The following RSPH9 variants were observed in gnomAD, a reference collection of about 807,000 sequenced individuals.
RSPH9 encodes the protein radial spoke head protein 9 homolog.
RSPH9 carries 27 observed loss-of-function variants against 27.0 expected under a neutral mutation model. The ratio of observed to expected loss-of-function variants is 1.00; its 90% CI spans 0.74 to 1.38. The LOEUF (loss-of-function observed/expected upper bound fraction) is 1.38. Ranked by LOEUF, RSPH9 falls within the 40% of genes most tolerant of loss-of-function variation. RSPH9 has a pLI of 0.00. For missense variants in RSPH9, 347 were observed against 357.4 expected, an observed-to-expected ratio of 0.97 and a Z score of 0.24; for synonymous variants, 145 against 147.7, an observed-to-expected ratio of 0.98 and a Z score of 0.13.
chr6:43,650,430 C>T lies in RSPH9; in HGVS notation c.283C>T (p.Gln95Ter), dbSNP rs1436804091. The stretch of plus-strand genomic sequence containing the variant: ...CCCTGCCACAGAGGAGATGGTGGCG[C>T]AGTCGTCTGTGGTGAAGGGCCGCTT... Reference protein sequence around the residue: ...LPPATEEMVAQSSVVKGRFMG... With the variant: ...LPPATEEMVA Residue 95 changes from glutamine to a stop codon, truncating the protein, a stop_gained, in exon 2 of 5, where the codon CAG becomes TAG. Transcript: ENST00000372163. LOFTEE classifies it high-confidence loss of function. 6.2e-7 allele frequency: 1 copy of T among 1,614,070 alleles called. No homozygotes were observed. Among genetic ancestry groups the T allele is most frequent in the Non-Finnish European group, 8.5e-7 (1 of 1,180,030 alleles).
rs1000822923 is a variant in RSPH9 at position 43,656,512 on chromosome 6, A to G, written c.524-65A>G. Reference sequence around the variant, plus strand: ...AAGCCCTACCATGTGGTCCCAGTGCAGACAGAAAGGGGGCTGGGGGGTTTT... The same window carrying G: ...AAGCCCTACCATGTGGTCCCAGTGCGGACAGAAAGGGGGCTGGGGGGTTTT... On this transcript the variant is annotated intron_variant, in intron 3 of 4. Transcript: ENST00000372163. 9.4e-6 allele frequency: 15 copies of G among 1,587,492 alleles called. No individual in the cohort carries two copies. The African/African-American group carries it at 1.1e-4, about 11-fold the overall frequency.
At chr6:43,655,760 G>A in intron 3 of RSPH9, 69 bp downstream of exon 3, 2 of 1,565,696 alleles carry the variant, frequency 1.3e-6, no homozygotes, top group Admixed American at 3.4e-5. Context: ...ACATATGTCT[G>A]GGAGTCCAGC....
intron 4 of RSPH9, among the ~76,000 whole-genome samples, chr6:43,666,010 G>C (rs1179784527): frequency 1.3e-5 from 2 of 151,976 alleles, no homozygotes; most frequent in African/African-American, 2.4e-5. Flanking sequence ...ATTTTTTGTA[G>C]AGATGAGGTT....
intron 3 of RSPH9, 131 bp downstream of exon 3, chr6:43,655,822 T>C: frequency 1.8e-6 from 2 of 1,101,154 alleles, no homozygotes; most frequent in Non-Finnish European, 2.7e-6. Context: ...CCTTATCACC[T>C]GGGAGGGTGT....
intron 4 of RSPH9, among the ~76,000 whole-genome samples, chr6:43,661,673 A>AAG (rs1772641333): frequency 6.6e-6 from 1 of 151,508 alleles, no homozygotes; most frequent in South Asian, 2.1e-4. Context: ...AAAAAAAAAA[A>AAG]AAAAAAAAGA....
chr6:43,662,846 G>T (rs577748680), intron 4 of RSPH9, among the ~76,000 whole-genome samples: 1 of 152,176 alleles, frequency 6.6e-6, no homozygotes, highest in South Asian at 2.1e-4. Context: ...ACCCAGACTG[G>T]AGTGCAGTGG....
chr6:43,666,892 C>T (rs1285387280), intron 4 of RSPH9, among the ~76,000 whole-genome samples: 3 of 152,142 alleles, frequency 2.0e-5, no homozygotes, highest in Non-Finnish European at 2.9e-5. Context: ...GGATTACAGG[C>T]GCATGTCACC....
chr6:43,669,749 T>TCCTCCCACACTGTGGCTC (rs1773526122), intron 4 of RSPH9, among the ~76,000 whole-genome samples: 1 of 152,216 alleles, frequency 6.6e-6, no homozygotes, highest in Non-Finnish European at 1.5e-5. Flanking sequence ...CCAGGCTCCT[T>TCCTCCCACACTGTGGCTC]CCTCCCACAC....
intron 4 of RSPH9, among the ~76,000 whole-genome samples, chr6:43,658,227 G>T (rs1772221541): frequency 6.8e-6 from 1 of 146,348 alleles, no homozygotes; most frequent in South Asian, 2.2e-4. Context: ...GGAGGCAGAG[G>T]TTGCAGTGAG....
At chr6:43,660,647 T>TAG (rs1416645224) in intron 4 of RSPH9, among the ~76,000 whole-genome samples, 3 of 152,004 alleles carry the variant, frequency 2.0e-5, no homozygotes, top group Non-Finnish European at 4.4e-5. Context: ...GTATTTTTAG[T>TAG]AGAGATGGGG....
At chr6:43,658,860 TG>T (rs1363967591) in intron 4 of RSPH9, among the ~76,000 whole-genome samples, 1 of 152,140 alleles carries the variant, frequency 6.6e-6, no homozygotes, top group African/African-American at 2.4e-5. Context: ...AGCTAATTTT[TG>T]TATTTTTAGT....
rs1488787200 is a variant in RSPH9 at position 43,672,354 on chromosome 6, T to C, written c.*1405T>C. 4.2e-6 allele frequency: 2 copies of C among 472,286 alleles called. No homozygotes were observed. The highest frequency in any genetic ancestry group is 8.8e-6 in the Non-Finnish European group (2 of 227,718). 29.3% of individuals were successfully genotyped at this position (472,286 alleles called of 1,614,324 possible). ...CTTCAGGGAACTCCCCAGGGTACTA[T>C]AACTGGTATAAGACCCCTGCCCCTC... On this transcript the variant is annotated 3_prime_UTR_variant, in exon 5 of 5. Transcript: ENST00000372163.
At chr6:43,657,378 G>A (rs980118616) in intron 4 of RSPH9, among the ~76,000 whole-genome samples, 1 of 152,174 alleles carries the variant, frequency 6.6e-6, no homozygotes, top group African/African-American at 2.4e-5. Flanking sequence ...GTCAGGCACC[G>A]TACTCAGCTC....
intron 4 of RSPH9, among the ~76,000 whole-genome samples, chr6:43,668,767 C>T (rs1313271073): frequency 1.3e-5 from 2 of 152,230 alleles, no homozygotes; most frequent in Admixed American, 1.3e-4. Flanking sequence ...CTGCAAGCTG[C>T]CCTCCCTCAG....
intron 4 of RSPH9, among the ~76,000 whole-genome samples, chr6:43,658,792 C>A (rs1189345103): frequency 6.6e-6 from 1 of 152,176 alleles, no homozygotes; most frequent in African/African-American, 2.4e-5. Context: ...GATCCGCCTA[C>A]CTCGACCTTC....
In RSPH9 at chr6:43,664,950, C is replaced by G. The variant is rs148899595; in HGVS notation, c.671-5839C>G. 5.9e-4 allele frequency among the ~76,000 whole-genome samples: 90 copies of G among 152,312 alleles called. No individual in the cohort carries two copies. The East Asian group carries it at 0.013, about 23-fold the overall frequency. ...GGCTGAGGGGTGGGCCTACAGAAGT[C>G]CTCTTCATTCCCCTAATCTGAGGGC... is the stretch of plus-strand genomic sequence containing the variant. On this transcript the variant is annotated intron_variant, in intron 4 of 4. Transcript: ENST00000372163.
rs777993012 is a variant in RSPH9 at position 43,670,989 on chromosome 6, C to T, written c.*40C>T. 11 of 1,612,998 alleles carry T rather than the reference C, an allele frequency of 6.8e-6. No homozygotes were observed. In the South Asian group the frequency reaches 1.2e-4, roughly 18 times the overall value. ...TGGATGTTTTTAAACAGAGTCTAAA[C>T]ATGATTTTCTTAAGCTTCAGTGAAC... On this transcript the variant is annotated 3_prime_UTR_variant, in exon 5 of 5. Coordinates refer to ENST00000372163, the MANE Select transcript of RSPH9 (RefSeq NM_152732.5).
rs536681825 is a variant in RSPH9 at position 43,661,811 on chromosome 6, A to G, written c.670+5088A>G. Among the ~76,000 whole-genome samples, 125 of 152,268 alleles carry G rather than the reference A, an allele frequency of 8.2e-4. 1 individual carries two copies. The highest frequency in any genetic ancestry group is 3.0e-3 in the African/African-American group (123 of 41,548). On this transcript the variant is annotated intron_variant, in intron 4 of 4. Transcript: ENST00000372163. ...TTCTGGTTAACTTGCTGCAGCTTGT[A>G]CATTAGCATTTGCTGCTCCACTTTG...
At chr6:43,645,391 G>A in intron 1 of RSPH9, 66 bp downstream of exon 1, 2 of 400,194 alleles carry the variant, frequency 5.0e-6, no homozygotes, top group South Asian at 1.8e-5. Flanking sequence ...GGGTGGGCGG[G>A]TCGCAGCAAT....
Sources: gnomAD v4.1 joint callset for allele counts (sites outside exome capture counted in the v4.1 genomes callset) on GRCh38, gnomAD v4.1.1 for gene constraint, MANE v1.5 for transcripts, NCBI Gene and HGNC (gene_info 2026-07-23, HGNC 2026-07-21) for gene names.